TECR: variants seen among roughly 807,000 people sequenced by gnomAD.
TECR encodes the protein trans-2,3-enoyl-CoA reductase.
TECR carries 19 observed loss-of-function variants against 50.6 expected under a neutral mutation model. That is an observed-to-expected ratio of 0.38 (90% CI 0.26 to 0.55). TECR has a LOEUF of 0.55. Ranked by LOEUF, TECR falls within the 20% of genes least tolerant of loss-of-function variation. The pLI, the probability that TECR is intolerant of heterozygous loss-of-function variation, is 0.79. For synonymous variants in TECR, 168 were observed against 163.5 expected (o/e 1.03, Z -0.21); for missense variants, 313 against 408.3 (o/e 0.77, Z 2.01).
intron 1 of TECR, among the ~76,000 whole-genome samples, chr19:14,533,536 G>T (rs2072752269): frequency 6.6e-6 from 1 of 152,142 alleles, no homozygotes; most frequent in Non-Finnish European, 1.5e-5. Flanking sequence ...AGATTATGAA[G>T]TGCAGTTTAC....
Position 14,563,783 on chromosome 19 carries a change from G to C in TECR, c.164-17G>C. 6.2e-7 allele frequency: 1 copy of C among 1,612,944 alleles called. No individual in the cohort carries two copies. Among genetic ancestry groups the C allele is most frequent in the African/African-American group, 1.3e-5 (1 of 75,026 alleles). ...AAGGCCCGGGTAGCCCCTGAGCCCTGGCCCGCCTCTCTGCAGAGGGCAAGT... is the reference window on the plus strand; with the variant it reads ...AAGGCCCGGGTAGCCCCTGAGCCCTCGCCCGCCTCTCTGCAGAGGGCAAGT... On this transcript the variant is annotated splice_polypyrimidine_tract_variant and intron_variant, in intron 4 of 12. Coordinates refer to ENST00000215567, the MANE Select transcript of TECR (RefSeq NM_138501.6). The surrounding 1 kb of genome is among the most constrained non-coding windows in gnomAD (Gnocchi z 5.3).
intron 1 of TECR, among the ~76,000 whole-genome samples, chr19:14,555,501 A>G (rs1219653974): frequency 7.6e-6 from 1 of 130,940 alleles, no homozygotes; most frequent in African/African-American, 3.0e-5. Context: ...GCTGGAGTGC[A>G]GTGGTGCAAT....
intron 1 of TECR, among the ~76,000 whole-genome samples, chr19:14,554,249 G>T (rs912965161): frequency 3.3e-5 from 5 of 152,190 alleles, no homozygotes; most frequent in African/African-American, 1.2e-4. Context: ...GGCAGTTCCA[G>T]CCCCGGGCAG....
At position 14,533,008 on chromosome 19, in the gene TECR, G is replaced by A. The variant is rs572125069; in HGVS notation, c.15+3297G>A. The stretch of plus-strand genomic sequence containing the variant: ...GCTTGTAGTCCCAGCTACTGGCTTC[G>A]AGGCTGAGGAATGAGAATCACTTGA... On this transcript the variant is annotated intron_variant, in intron 1 of 12. Coordinates refer to ENST00000215567, the MANE Select transcript of TECR (RefSeq NM_138501.6). 3.3e-5 allele frequency among the ~76,000 whole-genome samples: 5 copies of A among 152,180 alleles called. No homozygotes were observed. In the East Asian group the frequency reaches 9.7e-4, roughly 29 times the overall value.
chr19:14,535,438 C>T (rs577286530), intron 1 of TECR, among the ~76,000 whole-genome samples: 138 of 130,882 alleles, frequency 1.1e-3, no homozygotes, highest in African/African-American at 3.9e-3. Flanking sequence ...ACCCGGGAGG[C>T]GGAGCTTGCA....
chr19:14,559,768 C>T (rs1260846994), intron 1 of TECR, among the ~76,000 whole-genome samples: 3 of 145,904 alleles, frequency 2.1e-5, no homozygotes, highest in South Asian at 4.3e-4. Flanking sequence ...ACCTGGGCGA[C>T]AGAGTGAGAC....
chr19:14,563,307 A>T lies in TECR; in HGVS notation c.118+50A>T, dbSNP rs1345583937. The stretch of plus-strand genomic sequence containing the variant: ...GCCCCTGCAACCCCTTTGACCAGGG[A>T]CCTTAGGGTGGGAGGGATCCCATCC... On this transcript the variant is annotated intron_variant, in intron 3 of 12. Coordinates refer to ENST00000215567, the MANE Select transcript of TECR (RefSeq NM_138501.6). The surrounding 1 kb of genome is among the most constrained non-coding windows in gnomAD (Gnocchi z 5.3). 1 of 1,529,352 alleles carries T rather than the reference A, an allele frequency of 6.5e-7. No homozygotes were observed. The highest frequency in any genetic ancestry group is 2.2e-5 in the East Asian group (1 of 44,470). The allele number at this position is 1,529,352 out of a possible 1,614,324, so 94.7% of individuals were successfully genotyped here.
intron 1 of TECR, among the ~76,000 whole-genome samples, chr19:14,555,438 CTTTTTTTT>C (rs747503834): frequency 8.6e-5 from 8 of 92,904 alleles, no homozygotes; most frequent in Non-Finnish European, 1.3e-4. Flanking sequence ...TTTATTTATT[CTTTTTTTT>C]TTTTTTTTTT....
In TECR at chr19:14,548,888, C is replaced by G. The variant is rs56070203; in HGVS notation, c.16-13637C>G. ...CCGCATCCAACCATCTCAGACATCT[C>G]AGCAGCAGTGATACCACTGTGGCAG... On this transcript the variant is annotated intron_variant, in intron 1 of 12. Transcript: ENST00000215567. 1.1e-3 allele frequency among the ~76,000 whole-genome samples: 167 copies of G among 152,190 alleles called. 1 individual carries two copies. Among genetic ancestry groups the G allele is most frequent in the African/African-American group, 3.7e-3 (152 of 41,558 alleles).
At chr19:14,537,855 C>T (rs917167432) in intron 1 of TECR, among the ~76,000 whole-genome samples, 23 of 150,638 alleles carry the variant, frequency 1.5e-4, no homozygotes, top group Non-Finnish European at 3.1e-4. Flanking sequence ...AGGCGATTCT[C>T]CTGCCTTAGT....
intron 1 of TECR, among the ~76,000 whole-genome samples, chr19:14,560,179 C>G (rs914496266): frequency 6.6e-6 from 1 of 152,216 alleles, no homozygotes; most frequent in Non-Finnish European, 1.5e-5. Flanking sequence ...CCCCGATGGC[C>G]GTACTCTCCC....
upstream of TECR, chr19:14,529,280 C>T (rs2072517338): frequency 2.9e-6 from 1 of 344,012 alleles, no homozygotes; most frequent in East Asian, 6.6e-5. Context: ...CTTCTTACCC[C>T]GCCCCCGCGT....
intron 7 of TECR, chr19:14,564,573 C>G (rs1228605115): frequency 1.9e-5 from 11 of 591,526 alleles, no homozygotes; most frequent in Admixed American, 8.7e-5. Flanking sequence ...GAGCCCCGCC[C>G]CAGTTTCACC....
At chr19:14,550,986 T>C (rs2073481132) in intron 1 of TECR, among the ~76,000 whole-genome samples, 1 of 151,662 alleles carries the variant, frequency 6.6e-6, no homozygotes, top group African/African-American at 2.4e-5. Flanking sequence ...CTTTTACTTA[T>C]GAGGACACTC....
chr19:14,529,802 G>A (rs2072548872), intron 1 of TECR, 91 bp downstream of exon 1: 3 of 1,584,128 alleles, frequency 1.9e-6, no homozygotes, highest in East Asian at 2.3e-5. Flanking sequence ...TTCTGGTCCT[G>A]TGCCCCGAAG....
At position 14,546,352 on chromosome 19, in the gene TECR, T is replaced by C. The variant is rs149646429; in HGVS notation, c.16-16173T>C. 5.3e-3 allele frequency among the ~76,000 whole-genome samples: 801 copies of C among 152,072 alleles called. 5 individuals carry two copies. The highest frequency in any genetic ancestry group is 0.019 in the African/African-American group (780 of 41,484). On this transcript the variant is annotated intron_variant, in intron 1 of 12. Coordinates refer to ENST00000215567, the MANE Select transcript of TECR (RefSeq NM_138501.6). ...CTGTAATTTCAGCACTTTGGAAGGC[T>C]GAGGTGGGCGGATCACTTGAGGTCA...
chr19:14,564,927 C>A, intron 8 of TECR, 22 bp from the exon 9 acceptor site: 1 of 1,614,116 alleles, frequency 6.2e-7, no homozygotes, highest in East Asian at 2.2e-5. Context: ...CTCATGGGCT[C>A]CCCTCCCTGC....
chr19:14,550,098 G>T (rs923477438), intron 1 of TECR, among the ~76,000 whole-genome samples: 1 of 151,960 alleles, frequency 6.6e-6, no homozygotes, highest in African/African-American at 2.4e-5. Flanking sequence ...TTGCCAAGAT[G>T]TGAGTTCCAT....
At chr19:14,539,768 C>A (rs1347984101) in intron 1 of TECR, among the ~76,000 whole-genome samples, 1 of 152,260 alleles carries the variant, frequency 6.6e-6, no homozygotes, top group South Asian at 2.1e-4. Flanking sequence ...TTCCATGTCC[C>A]CCAGAGAGAC....
Sources: allele counts gnomAD v4.1 joint callset (sites outside exome capture counted in the v4.1 genomes callset), GRCh38; gene constraint gnomAD v4.1.1; non-coding constraint Gnocchi (gnomAD v3.1); transcripts MANE v1.5; gene names NCBI Gene and HGNC (gene_info 2026-07-23, HGNC 2026-07-21).